SLC16A10: variants seen among roughly 807,000 people sequenced by gnomAD.
SLC16A10 encodes the protein monocarboxylate transporter 10.
SLC16A10 carries 27 observed loss-of-function variants against 40.0 expected under a neutral mutation model. The ratio of observed to expected loss-of-function variants is 0.67; its 90% CI spans 0.50 to 0.93. SLC16A10 has a LOEUF of 0.93. Among genes scored for constraint, SLC16A10 ranks in the 40% least tolerant of loss-of-function variants. The pLI is 0.00. For missense variants in SLC16A10, 529 were observed against 658.2 expected (o/e 0.80, Z 2.15); for synonymous variants, 213 against 249.8 (o/e 0.85, Z 1.39).
rs528782251 is a variant in SLC16A10, at chr6:111,111,182, A to C, written c.343+23087A>C. Among the ~76,000 whole-genome samples, 10 of 152,334 alleles carry C rather than the reference A, an allele frequency of 6.6e-5. No homozygotes were observed. In the East Asian group the frequency reaches 1.7e-3, roughly 26 times the overall value. ...TTACCAAAAGGGCAAATTTTATGCT[A>C]TAAATTTTTTTTGTTTTGACATTTA... On this transcript the variant is annotated intron_variant, in intron 1 of 5. Coordinates refer to ENST00000368851, the MANE Select transcript of SLC16A10 (RefSeq NM_018593.5).
chr6:111,172,393 G>A (rs1264082951), intron 1 of SLC16A10, among the ~76,000 whole-genome samples: 1 of 151,800 alleles, frequency 6.6e-6, no homozygotes. Context: ...AGTTTTTATG[G>A]AATCTGACTT....
At chr6:111,180,204 A>G (rs1157197277) in intron 3 of SLC16A10, among the ~76,000 whole-genome samples, 1 of 152,204 alleles carries the variant, frequency 6.6e-6, no homozygotes, top group Non-Finnish European at 1.5e-5. Flanking sequence ...CCTGTGGTGT[A>G]TCCTCTTTAT....
intron 5 of SLC16A10, among the ~76,000 whole-genome samples, chr6:111,219,402 A>G (rs1001632536): frequency 6.6e-6 from 1 of 152,058 alleles, no homozygotes; most frequent in Non-Finnish European, 1.5e-5. Flanking sequence ...GGTGGCATGC[A>G]TCTGCAGTCC....
At chr6:111,158,059 A>G (rs1772304024) in intron 1 of SLC16A10, among the ~76,000 whole-genome samples, 2 of 152,082 alleles carry the variant, frequency 1.3e-5, no homozygotes, top group Admixed American at 1.3e-4. Context: ...ATTCTATCGT[A>G]TTTTTATTTA....
chr6:111,088,137 G>C, intron 1 of SLC16A10, 42 bp downstream of exon 1: 1 of 1,572,620 alleles, frequency 6.4e-7, no homozygotes, highest in Non-Finnish European at 8.6e-7. Flanking sequence ...GGCGACCCGC[G>C]TGGGGCCCCC....
rs772294671 is a variant in SLC16A10, at chr6:111,177,315, C to T, written c.592C>T (p.Arg198Cys). The change falls in exon 3 of 6, where the codon CGC becomes TGC. Residue 198 changes from arginine (R) to cysteine (C), a missense_variant. Physicochemically the swap from Arg to Cys is radical, Grantham distance 180. Coordinates refer to ENST00000368851, the MANE Select transcript of SLC16A10 (RefSeq NM_018593.5). ...LVILGHYFKK[R>C]LGLVNGIVTA... ...CATTTTGGGACACTATTTCAAGAAG[C>T]GCCTTGGACTGGTGAATGGCATTGT... 4 of 1,612,332 alleles carry T rather than the reference C, an allele frequency of 2.5e-6. No homozygotes were observed. The highest frequency in any genetic ancestry group is 3.4e-6 in the Non-Finnish European group (4 of 1,179,322).
At chr6:111,218,162 T>TTAA (rs1770806765) in intron 4 of SLC16A10, among the ~76,000 whole-genome samples, 1 of 152,204 alleles carries the variant, frequency 6.6e-6, no homozygotes, top group Non-Finnish European at 1.5e-5. Context: ...TTTGAGCTGA[T>TTAA]TGAGCACTGA....
chr6:111,087,815 C>T lies in SLC16A10; in HGVS notation c.63C>T (p.Gly21=), dbSNP rs941383047. The T allele has an allele frequency of 5.3e-6, 7 of 1,329,364 alleles. No individual in the cohort carries two copies. Among genetic ancestry groups the T allele is most frequent in the Middle Eastern group, 2.8e-4 (1 of 3,546 alleles). 82.3% of individuals were successfully genotyped at this position (1,329,364 alleles called of 1,614,324 possible). Residue 21 remains glycine, a synonymous_variant, in exon 1 of 6, where the codon GGC becomes GGT. Transcript: ENST00000368851. Reference sequence around the variant, plus strand: ...GCACGAGCGAGGCGCAGCCGCTCGGCCCCGCGCCCACGGGGGCCGCTCCGC... The same window carrying T: ...GCACGAGCGAGGCGCAGCCGCTCGGTCCCGCGCCCACGGGGGCCGCTCCGC... ...ARGTSEAQPL[G]PAPTGAAPPP...
At chr6:111,182,279 G>A (rs1302413656) in intron 3 of SLC16A10, among the ~76,000 whole-genome samples, 4 of 149,704 alleles carry the variant, frequency 2.7e-5, no homozygotes, top group Non-Finnish European at 1.5e-5. Context: ...GGGATTACGG[G>A]TGTGAGCCAC....
intron 1 of SLC16A10, among the ~76,000 whole-genome samples, chr6:111,153,533 CAA>C (rs5879090): frequency 0.028 from 4,062 of 146,784 alleles, 70 homozygotes; most frequent in Middle Eastern, 0.038. Context: ...GACCCTGTCT[CAA>C]AAAAAAAAAA....
intron 1 of SLC16A10, among the ~76,000 whole-genome samples, chr6:111,129,628 T>C (rs1771745913): frequency 2.0e-5 from 3 of 152,268 alleles, no homozygotes; most frequent in Non-Finnish European, 4.4e-5. Flanking sequence ...AACTGTAGAC[T>C]AGCCATATGG....
At chr6:111,135,602 C>G (rs1196199075) in intron 1 of SLC16A10, among the ~76,000 whole-genome samples, 2 of 152,210 alleles carry the variant, frequency 1.3e-5, no homozygotes, top group Admixed American at 1.3e-4. Context: ...CATGCTGACT[C>G]TCAATTCTTG....
At chr6:111,135,983 C>G (rs1459896521) in intron 1 of SLC16A10, among the ~76,000 whole-genome samples, 3 of 152,228 alleles carry the variant, frequency 2.0e-5, no homozygotes, top group African/African-American at 7.2e-5. Flanking sequence ...ACTGGCTTAT[C>G]CTTATCCCAA....
chr6:111,157,981 A>C (rs555578198), intron 1 of SLC16A10, among the ~76,000 whole-genome samples: 48 of 152,010 alleles, frequency 3.2e-4, no homozygotes, highest in African/African-American at 1.1e-3. Context: ...AGAAAAGATG[A>C]CTTTCTTATT....
chr6:111,164,772 A>T (rs1299864218), intron 1 of SLC16A10, among the ~76,000 whole-genome samples: 1 of 152,204 alleles, frequency 6.6e-6, no homozygotes, highest in Non-Finnish European at 1.5e-5. Context: ...AAAAAAGAGA[A>T]AAAAGCCAAA....
intron 1 of SLC16A10, among the ~76,000 whole-genome samples, chr6:111,121,075 T>C (rs985809089): frequency 6.6e-6 from 1 of 152,232 alleles, no homozygotes; most frequent in Non-Finnish European, 1.5e-5. Flanking sequence ...TTTGGAATGT[T>C]TATTTCCAGG....
At chr6:111,093,947 G>T (rs1222028463) in intron 1 of SLC16A10, among the ~76,000 whole-genome samples, 1 of 152,148 alleles carries the variant, frequency 6.6e-6, no homozygotes, top group African/African-American at 2.4e-5. Flanking sequence ...AATGTTTCTG[G>T]ATTAAGTGCG....
chr6:111,121,690 C>T (rs1771586405), intron 1 of SLC16A10, among the ~76,000 whole-genome samples: 1 of 152,082 alleles, frequency 6.6e-6, no homozygotes, highest in South Asian at 2.1e-4. Context: ...CCTCCTTTTC[C>T]TTTGGTTTTT....
chr6:111,187,790 G>A (rs1406322544), intron 3 of SLC16A10, among the ~76,000 whole-genome samples: 2 of 152,220 alleles, frequency 1.3e-5, no homozygotes, highest in Non-Finnish European at 2.9e-5. Flanking sequence ...GTTGCCAAGA[G>A]CAATTGCAAC....
Sources: allele counts gnomAD v4.1 joint callset (sites outside exome capture counted in the v4.1 genomes callset), GRCh38; gene constraint gnomAD v4.1.1; transcripts MANE v1.5; gene names NCBI Gene and HGNC (gene_info 2026-07-23, HGNC 2026-07-21).